ATP6V1A: variants seen among roughly 807,000 people sequenced by gnomAD.
ATP6V1A encodes the protein ATPase H+ transporting V1 subunit A.
In ATP6V1A, 18 loss-of-function variants were observed where a neutral mutation model predicts 70.1. The observed-to-expected ratio is 0.26, with a 90% confidence interval of 0.18 to 0.38. The LOEUF (loss-of-function observed/expected upper bound fraction) is 0.38. Among genes scored for constraint, ATP6V1A ranks in the 10% least tolerant of loss-of-function variants. The pLI is 1.00. For synonymous variants in ATP6V1A, 232 were observed against 253.8 expected (o/e 0.91, Z 0.82); for missense variants, 424 against 772.4 (o/e 0.55, Z 5.35).
chr3:113,803,923 A>G (rs1709248343), intron 13 of ATP6V1A, among the ~76,000 whole-genome samples: 1 of 152,154 alleles, frequency 6.6e-6, no homozygotes, highest in Non-Finnish European at 1.5e-5. Flanking sequence ...ATTGTGGCTT[A>G]GTGCAGAGCC....
intron 1 of ATP6V1A, among the ~76,000 whole-genome samples, chr3:113,774,828 GA>G (rs558009971): frequency 5.9e-4 from 80 of 134,648 alleles, no homozygotes; most frequent in Middle Eastern, 3.6e-3. Flanking sequence ...AAAAAGAAAA[GA>G]AAAAAAAAAA....
intron 1 of ATP6V1A, among the ~76,000 whole-genome samples, chr3:113,774,218 A>G (rs1708883329): frequency 6.6e-6 from 1 of 152,192 alleles, no homozygotes; most frequent in South Asian, 2.1e-4. Context: ...CTCCAAAAAA[A>G]CTAGCTAAGA....
At chr3:113,791,399 T>G (rs900605284) in intron 8 of ATP6V1A, among the ~76,000 whole-genome samples, 6 of 151,946 alleles carry the variant, frequency 3.9e-5, no homozygotes, top group African/African-American at 9.7e-5. Context: ...TTAGGGTTTT[T>G]TTTTTTTTTT....
chr3:113,811,596 A>G lies in ATP6V1A; in HGVS notation c.*2169A>G, dbSNP rs1398579362. ...TGGTATGATGAAGAAAGTTTGACCA[A>G]ATTTGTTTTTTTGTTGTTGTTGTTG... On this transcript the variant is annotated 3_prime_UTR_variant, in exon 15 of 15. Coordinates refer to ENST00000273398, the MANE Select transcript of ATP6V1A (RefSeq NM_001690.4). 6.6e-6 allele frequency: 1 copy of G among 152,530 alleles called. No individual in the cohort carries two copies. The highest frequency in any genetic ancestry group is 2.4e-5 in the African/African-American group (1 of 41,426). 9.4% of individuals were successfully genotyped at this position (152,530 alleles called of 1,614,324 possible).
chr3:113,749,452 G>A (rs1168408173), intron 1 of ATP6V1A, among the ~76,000 whole-genome samples: 1 of 152,042 alleles, frequency 6.6e-6, no homozygotes, highest in African/African-American at 2.4e-5. Context: ...AGGGCCCTTG[G>A]CACTTCTGGT....
chr3:113,790,949 G>T (rs1709086111), intron 8 of ATP6V1A, among the ~76,000 whole-genome samples: 1 of 151,818 alleles, frequency 6.6e-6, no homozygotes, highest in African/African-American at 2.4e-5. Flanking sequence ...TTTTCCTTTT[G>T]TAGGTGATTT....
intron 1 of ATP6V1A, among the ~76,000 whole-genome samples, chr3:113,753,937 C>A (rs1708618733): frequency 1.3e-5 from 2 of 151,780 alleles, no homozygotes; most frequent in Admixed American, 6.6e-5. Flanking sequence ...AAAAAAAATA[C>A]AAAGTACAGA....
chr3:113,789,737 A>G lies in ATP6V1A; in HGVS notation c.885A>G (p.Thr295=). 6.2e-7 allele frequency: 1 copy of G among 1,604,176 alleles called. No individual in the cohort carries two copies. Among genetic ancestry groups the G allele is most frequent in the Non-Finnish European group, 8.5e-7 (1 of 1,171,164 alleles). The part of the protein sequence containing the change: ...SEVLRDFPEL[T]MEVDGKVESI... ...AATATATATTTTACCTCTAGCTCAC[A>G]ATGGAGGTTGATGGTAAGGTAGAGT... Residue 295 remains threonine, a synonymous_variant, in exon 8 of 15, where the codon ACA becomes ACG. Transcript: ENST00000273398.
At chr3:113,790,007 C>T (rs1011563080) in intron 8 of ATP6V1A, among the ~76,000 whole-genome samples, 167 bp downstream of exon 8, 1 of 152,222 alleles carries the variant, frequency 6.6e-6, no homozygotes, top group Non-Finnish European at 1.5e-5. Flanking sequence ...TGGTGACTCA[C>T]GCCTGTGGTC....
At chr3:113,809,229 TG>T in intron 14 of ATP6V1A, 105 bp from the exon 15 acceptor site, 2 of 866,394 alleles carry the variant, frequency 2.3e-6, no homozygotes, top group Non-Finnish European at 3.5e-6. Context: ...CACTCCAGCC[TG>T]GGTGACAGAG....
chr3:113,811,175 A>C lies in ATP6V1A; in HGVS notation c.*1748A>C, dbSNP rs1359450745. The C allele has an allele frequency of 6.6e-6, 1 of 152,174 alleles. No homozygotes were observed. Among genetic ancestry groups the C allele is most frequent in the African/African-American group, 2.4e-5 (1 of 41,440 alleles). The allele number at this position is 152,174 out of a possible 1,614,324, so 9.4% of individuals were successfully genotyped here. A position where few individuals can be genotyped will look rare whatever the true frequency, so the allele number is the denominator to read the frequency against. Reference sequence around the variant, plus strand: ...ATGGCTAACAATCTTCAAATACCCAAATTGTGATAGCATAAATAAAGTATT... The same window carrying C: ...ATGGCTAACAATCTTCAAATACCCACATTGTGATAGCATAAATAAAGTATT... On this transcript the variant is annotated 3_prime_UTR_variant, in exon 15 of 15. Coordinates refer to ENST00000273398, the MANE Select transcript of ATP6V1A (RefSeq NM_001690.4).
intron 2 of ATP6V1A, 88 bp from the exon 3 acceptor site, chr3:113,780,962 C>A: frequency 6.8e-7 from 1 of 1,477,650 alleles, no homozygotes; most frequent in Non-Finnish European, 9.0e-7. Context: ...AGGCACAATA[C>A]TGGGTTTATT....
Position 113,784,378 on chromosome 3 carries a change from A to T in ATP6V1A, c.366A>T (p.Val122=). Residue 122 remains valine, a synonymous_variant, in exon 4 of 15, where the codon GTA becomes GTT. Coordinates refer to ENST00000273398, the MANE Select transcript of ATP6V1A (RefSeq NM_001690.4). ...QTQSIYIPRG[V]NVSALSRDIK... ...AAAGCATCTACATCCCCAGAGGAGT[A>T]AACGTGTCTGCTCTTAGCAGAGATA... 1 of 1,614,172 alleles carries T rather than the reference A, an allele frequency of 6.2e-7. No homozygotes were observed. Among genetic ancestry groups the T allele is most frequent in the Non-Finnish European group, 8.5e-7 (1 of 1,180,004 alleles).
intron 1 of ATP6V1A, among the ~76,000 whole-genome samples, chr3:113,772,945 T>TTTA (rs1708864443): frequency 7.5e-6 from 1 of 132,546 alleles, no homozygotes; most frequent in Non-Finnish European, 1.6e-5. Flanking sequence ...TTTTTTTTTT[T>TTTA]TTTTTTTTTT....
chr3:113,757,725 A>G (rs1307261307), intron 1 of ATP6V1A, among the ~76,000 whole-genome samples: 2 of 152,242 alleles, frequency 1.3e-5, no homozygotes, highest in Non-Finnish European at 1.5e-5. Flanking sequence ...CCAGAGCCAC[A>G]TATATTTATT....
rs114001788 is a variant in ATP6V1A, at chr3:113,790,577, C to T, written c.988+737C>T. ...CTTTCATCTTTGGTTCCGTTTCCAT[C>T]CCAGCTTTTATTTCTACATTTTCAG... On this transcript the variant is annotated intron_variant, in intron 8 of 14. Transcript: ENST00000273398. 3.9e-3 allele frequency among the ~76,000 whole-genome samples: 599 copies of T among 152,196 alleles called. 5 individuals carry two copies. The highest frequency in any genetic ancestry group is 0.014 in the African/African-American group (565 of 41,534).
At chr3:113,776,591 T>TA (rs1199496581) in intron 1 of ATP6V1A, among the ~76,000 whole-genome samples, 6 of 152,198 alleles carry the variant, frequency 3.9e-5, no homozygotes, top group African/African-American at 1.4e-4. Flanking sequence ...ATTCAAGCCT[T>TA]ACGTATTTCC....
intron 12 of ATP6V1A, chr3:113,803,379 A>T (rs2108044342): frequency 1.9e-6 from 1 of 539,662 alleles, no homozygotes; most frequent in Non-Finnish European, 3.3e-6. Flanking sequence ...CTGTATAATT[A>T]AAAGTGGCAA....
At chr3:113,767,077 A>C in intron 1 of ATP6V1A, among the ~76,000 whole-genome samples, 1 of 137,184 alleles carries the variant, frequency 7.3e-6, no homozygotes, top group East Asian at 2.4e-4. Flanking sequence ...ATAGTAGTTG[A>C]TGTTATGTCT....
Sources: gnomAD v4.1 joint callset for allele counts (sites outside exome capture counted in the v4.1 genomes callset) on GRCh38, gnomAD v4.1.1 for gene constraint, MANE v1.5 for transcripts, NCBI Gene and HGNC (gene_info 2026-07-23, HGNC 2026-07-21) for gene names.